Variants in VPS50 observed in about 807,000 individuals in gnomAD.
The protein encoded by VPS50 is syndetin.
Under a neutral mutation model 139.7 loss-of-function variants are expected in VPS50, and 70 were observed. The ratio of observed to expected loss-of-function variants is 0.50; its 90% CI spans 0.41 to 0.61. The LOEUF is 0.61. Among genes scored for constraint, VPS50 ranks in the 20% least tolerant of loss-of-function variants. The pLI, the probability that VPS50 is intolerant of heterozygous loss-of-function variation, is 0.00. For missense variants in VPS50, 921 were observed against 1,133.7 expected, an observed-to-expected ratio of 0.81 and a Z score of 2.69; for synonymous variants, 365 against 376.7, an observed-to-expected ratio of 0.97 and a Z score of 0.36.
At chr7:93,346,098 T>C (rs532803045) in intron 23 of VPS50, among the ~76,000 whole-genome samples, 2 of 152,310 alleles carry the variant, frequency 1.3e-5, no homozygotes, top group South Asian at 4.1e-4. Flanking sequence ...CAGCCCAAAA[T>C]CTCCTTAAGC....
chr7:93,246,123 A>T, intron 2 of VPS50: 2 of 1,517,430 alleles, frequency 1.3e-6, no homozygotes, highest in Non-Finnish European at 1.8e-6. Flanking sequence ...ACGTGATGTT[A>T]ACTTTGGTAA....
At chr7:93,350,781 C>G (rs1008753110) in intron 25 of VPS50, among the ~76,000 whole-genome samples, 1 of 151,966 alleles carries the variant, frequency 6.6e-6, no homozygotes, top group Non-Finnish European at 1.5e-5. Context: ...GAGAAGGACC[C>G]TGATAAGGTG....
In VPS50 at chr7:93,356,025, T is replaced by A. The variant is rs1208701327; in HGVS notation, c.2720T>A (p.Ile907Asn). ...IPDKEFVETY[I>N]KAYYLTENDM... is the part of the protein sequence containing the mutation. ...GATAAAGAATTTGTAGAAACTTATA[T>A]TAAAGCTTATTACCTAACTGAGAAT... The change falls in exon 27 of 28, where the codon ATT becomes AAT. Residue 907 changes from isoleucine to asparagine, a missense_variant. By Grantham distance (149) the Ile-to-Asn change is moderately radical. Coordinates refer to ENST00000305866, the MANE Select transcript of VPS50 (RefSeq NM_017667.4). 2 of 1,572,448 alleles carry A rather than the reference T, an allele frequency of 1.3e-6. No individual in the cohort carries two copies. Among genetic ancestry groups the A allele is most frequent in the South Asian group, 2.3e-5 (2 of 86,532 alleles).
At chr7:93,267,932 T>C (rs1017362394) in intron 9 of VPS50, among the ~76,000 whole-genome samples, 2 of 152,156 alleles carry the variant, frequency 1.3e-5, no homozygotes, top group African/African-American at 4.8e-5. Context: ...TTGGGGCTTT[T>C]CTCGTTAGTT....
Position 93,252,636 on chromosome 7 carries a change from A to ATTT in VPS50, c.103-10_103-8dup. On this transcript the variant is annotated splice_polypyrimidine_tract_variant and intron_variant, in intron 2 of 27. Coordinates refer to ENST00000305866, the MANE Select transcript of VPS50 (RefSeq NM_017667.4). ...AACAGCTACAATTACTATAATTGTG[A>ATTT]TTTTTTTTTCTTAAAGGAAGAATTC... The ATTT allele has an allele frequency of 6.5e-7, 1 of 1,535,920 alleles. No individual in the cohort carries two copies. Among genetic ancestry groups the ATTT allele is most frequent in the Non-Finnish European group, 8.9e-7 (1 of 1,121,416 alleles).
chr7:93,251,833 A>C (rs901166982), intron 2 of VPS50, among the ~76,000 whole-genome samples: 1 of 152,224 alleles, frequency 6.6e-6, no homozygotes, highest in African/African-American at 2.4e-5. Flanking sequence ...TAAAAATCAA[A>C]TGGCTAACTT....
At chr7:93,296,912 A>ATCTATAAC (rs1412768634) in intron 15 of VPS50, 76 bp downstream of exon 15, 1 of 1,482,724 alleles carries the variant, frequency 6.7e-7, no homozygotes, top group Non-Finnish European at 8.9e-7. Context: ...GTGAGTTATC[A>ATCTATAAC]TCTATAACTT....
chr7:93,351,276 G>A (rs979973370), intron 25 of VPS50, among the ~76,000 whole-genome samples: 3 of 152,078 alleles, frequency 2.0e-5, no homozygotes, highest in African/African-American at 7.2e-5. Context: ...AAATAACTTG[G>A]TTTCTAGAGC....
intron 22 of VPS50, among the ~76,000 whole-genome samples, chr7:93,335,282 T>C (rs1221879008): frequency 6.6e-6 from 1 of 152,172 alleles, no homozygotes; most frequent in East Asian, 1.9e-4. Context: ...GAGTGAGGCA[T>C]GTACTGATAT....
At chr7:93,276,124 A>G in intron 11 of VPS50, 41 bp from the exon 12 acceptor site, 1 of 1,495,398 alleles carries the variant, frequency 6.7e-7, no homozygotes, top group Non-Finnish European at 9.0e-7. Flanking sequence ...TATTTATTTT[A>G]ATAATGTGAA....
intron 12 of VPS50, among the ~76,000 whole-genome samples, chr7:93,279,727 T>G (rs1796266148): frequency 6.6e-6 from 1 of 152,226 alleles, no homozygotes; most frequent in African/African-American, 2.4e-5. Flanking sequence ...TTTGGCAGTT[T>G]ATATCCTCTG....
Position 93,258,140 on chromosome 7 carries a change from T to G in VPS50, c.423-19T>G. The G allele has an allele frequency of 9.6e-7, 1 of 1,042,874 alleles. No individual in the cohort carries two copies. The highest frequency in any genetic ancestry group is 1.5e-6 in the Non-Finnish European group (1 of 675,106). 64.6% of individuals were successfully genotyped at this position (1,042,874 alleles called of 1,614,324 possible). A position where few individuals can be genotyped will look rare whatever the true frequency, so the allele number is the denominator to read the frequency against. On this transcript the variant is annotated intron_variant, in intron 6 of 27. Coordinates refer to ENST00000305866, the MANE Select transcript of VPS50 (RefSeq NM_017667.4). The stretch of plus-strand genomic sequence containing the variant: ...ATTATAATAAAAAACTTTTAACTAT[T>G]TATTGTTCACTTTTGCAGACACTTG...
chr7:93,305,637 T>C (rs1797092739), intron 17 of VPS50, among the ~76,000 whole-genome samples, 191 bp from the exon 18 acceptor site: 1 of 151,914 alleles, frequency 6.6e-6, no homozygotes, highest in Admixed American at 6.6e-5. Context: ...CACTGAGTTG[T>C]CTTTAGGAAA....
chr7:93,355,112 TC>T (rs1345323861), intron 26 of VPS50, among the ~76,000 whole-genome samples: 4 of 130,748 alleles, frequency 3.1e-5, no homozygotes, highest in Non-Finnish European at 6.7e-5. Flanking sequence ...TATAAAATAC[TC>T]TTTTTTAAAA....
chr7:93,354,396 C>G (rs1303756484), intron 26 of VPS50, among the ~76,000 whole-genome samples: 1 of 151,458 alleles, frequency 6.6e-6, no homozygotes, highest in East Asian at 1.9e-4. Context: ...TGGGCTCAAG[C>G]AATTCTTGTG....
chr7:93,341,225 T>C (rs1302708930), intron 22 of VPS50, among the ~76,000 whole-genome samples: 3 of 152,190 alleles, frequency 2.0e-5, no homozygotes, highest in African/African-American at 4.8e-5. Flanking sequence ...TTGGATGATA[T>C]TATGTAGGCT....
chr7:93,317,605 T>C (rs1797467600), intron 20 of VPS50, among the ~76,000 whole-genome samples: 2 of 152,066 alleles, frequency 1.3e-5, no homozygotes, highest in Non-Finnish European at 2.9e-5. Flanking sequence ...ACTCCCAGAG[T>C]ATCTGATTCA....
chr7:93,308,637 C>T (rs1021134854), intron 18 of VPS50, among the ~76,000 whole-genome samples, 187 bp from the exon 19 acceptor site: 1 of 151,808 alleles, frequency 6.6e-6, no homozygotes, highest in Admixed American at 6.6e-5. Flanking sequence ...TTCTTTTGTG[C>T]TGATTGAGGT....
intron 12 of VPS50, among the ~76,000 whole-genome samples, chr7:93,278,517 A>C (rs1584419257): frequency 1.3e-5 from 2 of 151,430 alleles, no homozygotes; most frequent in Non-Finnish European, 2.9e-5. Context: ...GAATTGCTTG[A>C]ACCAGGGAGG....
Sources: gnomAD v4.1 joint callset for allele counts (sites outside exome capture counted in the v4.1 genomes callset) on GRCh38, gnomAD v4.1.1 for gene constraint, MANE v1.5 for transcripts, NCBI Gene and HGNC (gene_info 2026-07-23, HGNC 2026-07-21) for gene names.